Variants in GPLD1 observed in about 807,000 individuals in gnomAD.
The protein encoded by GPLD1 is phosphatidylinositol-glycan-specific phospholipase D.
A neutral mutation model predicts 112.6 loss-of-function variants in GPLD1; 84 were observed. The ratio of observed to expected loss-of-function variants is 0.75; its 90% CI spans 0.63 to 0.89. GPLD1 has a LOEUF of 0.89. Among genes scored for constraint, GPLD1 ranks in the 40% least tolerant of loss-of-function variants. GPLD1 has a pLI of 0.00. For missense variants in GPLD1, 1,044 were observed against 1,051.5 expected, an observed-to-expected ratio of 0.99 and a Z score of 0.10; for synonymous variants, 386 against 403.8, an observed-to-expected ratio of 0.96 and a Z score of 0.53.
rs2127318473 is a variant in GPLD1, at chr6:24,436,671, C to T, written c.2263G>A (p.Asp755Asn). The change falls in exon 22 of 25, where the codon GAC becomes AAC. Residue 755 changes from aspartate (D) to asparagine (N), a missense_variant. Physicochemically the swap from Asp to Asn is conservative, Grantham distance 23. Coordinates refer to ENST00000230036, the MANE Select transcript of GPLD1 (RefSeq NM_001503.4). ...DVTSGLIGGE[D>N]GRVYVYNGKE... ...CCATTATATACATATACTCGGCCGT[C>T]TTCTCCCCCAATCAGTCCAGAGGTT... 2 of 1,614,074 alleles carry T rather than the reference C, an allele frequency of 1.2e-6. No homozygotes were observed. Among genetic ancestry groups the T allele is most frequent in the Non-Finnish European group, 1.7e-6 (2 of 1,179,960 alleles).
intron 10 of GPLD1, among the ~76,000 whole-genome samples, chr6:24,465,234 G>GA (rs1252176495): frequency 4.6e-4 from 62 of 135,004 alleles, no homozygotes; most frequent in African/African-American, 1.6e-3. Flanking sequence ...GAAAAGAAAA[G>GA]AAAAAAAAAG....
At position 24,454,220 on chromosome 6, in the gene GPLD1, C is replaced by T. The variant is rs372009508; in HGVS notation, c.1149-19G>A. 6.3e-7 allele frequency: 1 copy of T among 1,592,470 alleles called. No homozygotes were observed. The highest frequency in any genetic ancestry group is 1.3e-5 in the African/African-American group (1 of 74,502). ...CATTGCCCTTAGGGAAGTGAAGGGA[C>T]CCACCATGGTATGCACTGAGCACTA... On this transcript the variant is annotated intron_variant, in intron 13 of 24. Coordinates refer to ENST00000230036, the MANE Select transcript of GPLD1 (RefSeq NM_001503.4).
intron 24 of GPLD1, 96 bp downstream of exon 24, chr6:24,433,091 A>G (rs1010077519): frequency 3.5e-6 from 3 of 851,804 alleles, no homozygotes; most frequent in Admixed American, 1.7e-5. Flanking sequence ...CTTTTCAAAT[A>G]AAAATAAAAT....
intron 7 of GPLD1, among the ~76,000 whole-genome samples, chr6:24,471,791 C>G (rs1474808751): frequency 6.6e-6 from 1 of 152,168 alleles, no homozygotes; most frequent in African/African-American, 2.4e-5. Flanking sequence ...GCGATCATAG[C>G]TCACTGAAGC....
chr6:24,475,313 A>T (rs546073065), intron 4 of GPLD1, 82 bp from the exon 5 acceptor site: 12 of 794,698 alleles, frequency 1.5e-5, no homozygotes, highest in African/African-American at 1.4e-4. Context: ...ATAAATATAA[A>T]TTCATTTATG....
chr6:24,477,054 A>T (rs1764045544), intron 3 of GPLD1, among the ~76,000 whole-genome samples: 1 of 151,996 alleles, frequency 6.6e-6, no homozygotes. Flanking sequence ...AGGAGTTAGA[A>T]TCAAGACATT....
At chr6:24,457,043 G>T (rs1479233751) in intron 12 of GPLD1, among the ~76,000 whole-genome samples, 1 of 152,094 alleles carries the variant, frequency 6.6e-6, no homozygotes, top group Non-Finnish European at 1.5e-5. Flanking sequence ...GCTAATTTTT[G>T]TATTTTAGTA....
At chr6:24,463,668 C>T (rs1028144396) in intron 10 of GPLD1, among the ~76,000 whole-genome samples, 1 of 152,162 alleles carries the variant, frequency 6.6e-6, no homozygotes, top group African/African-American at 2.4e-5. Context: ...ATGTAACTAC[C>T]ACTACTTCAT....
intron 1 of GPLD1, among the ~76,000 whole-genome samples, chr6:24,487,722 C>T (rs1177483286): frequency 2.6e-5 from 4 of 152,204 alleles, no homozygotes; most frequent in Non-Finnish European, 4.4e-5. Context: ...CAGAATCACA[C>T]ATCTACTTTA....
At position 24,477,504 on chromosome 6, in the gene GPLD1, A is replaced by C. The variant is rs181215026; in HGVS notation, c.233-1226T>G. Among the ~76,000 whole-genome samples the C allele has an allele frequency of 3.2e-3, 493 of 152,168 alleles. 3 individuals carry two copies. Among genetic ancestry groups the C allele is most frequent in the African/African-American group, 0.011 (460 of 41,498 alleles). ...GAGGCTGAAGTGGGAGGACCCCCTG[A>C]GGCCAGGAGGTTGAGACTAGCCTGG... On this transcript the variant is annotated intron_variant, in intron 3 of 24. Transcript: ENST00000230036.
In GPLD1 at chr6:24,445,182, C is replaced by T. The variant is rs143892990; in HGVS notation, c.2020+364G>A. ...AGCTGGGATTACAGGTATGCACCACCACACCTGGCTAATTTTTGTATTTTT... is the reference window on the plus strand; with the variant it reads ...AGCTGGGATTACAGGTATGCACCACTACACCTGGCTAATTTTTGTATTTTT... On this transcript the variant is annotated intron_variant, in intron 20 of 24. Coordinates refer to ENST00000230036, the MANE Select transcript of GPLD1 (RefSeq NM_001503.4). Among the ~76,000 whole-genome samples the T allele has an allele frequency of 6.9e-3, 1,051 of 152,090 alleles. 15 individuals carry two copies. Among genetic ancestry groups the T allele is most frequent in the African/African-American group, 0.023 (949 of 41,490 alleles).
intron 12 of GPLD1, among the ~76,000 whole-genome samples, chr6:24,458,787 G>C (rs971651137): frequency 6.6e-6 from 1 of 151,970 alleles, no homozygotes; most frequent in Admixed American, 6.6e-5. Context: ...GCTGAGGCAG[G>C]GAATTGCTTG....
At chr6:24,466,846 A>G in intron 9 of GPLD1, 27 bp from the exon 10 acceptor site, 7 of 1,603,046 alleles carry the variant, frequency 4.4e-6, no homozygotes, top group Non-Finnish European at 6.0e-6. Flanking sequence ...GAAAAAATAA[A>G]ATGAATATGG....
Position 24,473,213 on chromosome 6 carries a change from G to A in GPLD1, c.490+406C>T, listed in dbSNP as rs1158728862. On this transcript the variant is annotated intron_variant, in intron 6 of 24. Coordinates refer to ENST00000230036, the MANE Select transcript of GPLD1 (RefSeq NM_001503.4). ...TACTTTAAGGAAATATCGACCATAA[G>A]GGTTTAATAAACACCATTCACCACC... The A allele has an allele frequency of 1.9e-5, 3 of 154,740 alleles. No homozygotes were observed. In the East Asian group the frequency reaches 5.6e-4, roughly 29 times the overall value. 9.6% of individuals were successfully genotyped at this position (154,740 alleles called of 1,614,324 possible).
At position 24,426,391 on chromosome 6, in the gene GPLD1, G is replaced by A. The variant is rs1187447315; in HGVS notation, c.*2641C>T. ...TGTATGCCAGGTTTTTTACATACGT[G>A]CCATATCAGTTGACCTTTTACAGTA... On this transcript the variant is annotated 3_prime_UTR_variant, in exon 25 of 25. Transcript: ENST00000230036. Among the ~76,000 whole-genome samples the A allele has an allele frequency of 6.6e-6, 1 of 152,102 alleles. No homozygotes were observed. The highest frequency in any genetic ancestry group is 2.4e-5 in the African/African-American group (1 of 41,402).
Position 24,427,801 on chromosome 6 carries a change from A to G in GPLD1, c.*1231T>C, listed in dbSNP as rs112804232. On this transcript the variant is annotated 3_prime_UTR_variant, in exon 25 of 25. Transcript: ENST00000230036. ...GCGGAGGTTGCAGTGAGCTGAGATC[A>G]CATCACTGCACTCCAGCCTGGGCAA... Among the ~76,000 whole-genome samples the G allele has an allele frequency of 0.13, 18,575 of 146,442 alleles. 1,498 individuals carry two copies. The highest frequency in any genetic ancestry group is 0.16 in the East Asian group (805 of 5,026).
intron 10 of GPLD1, among the ~76,000 whole-genome samples, chr6:24,463,352 G>C (rs1246516603): frequency 6.6e-6 from 1 of 152,202 alleles, no homozygotes; most frequent in Non-Finnish European, 1.5e-5. Context: ...TATAAGAAGA[G>C]TATTCTGGAA....
rs1764146397 is a variant in GPLD1 at position 24,479,938 on chromosome 6, C to A, written c.175G>T (p.Ala59Ser). The change falls in exon 3 of 25, where the codon GCG (alanine) becomes TCG (serine). Residue 59 changes from alanine (A) to serine (S), a missense_variant. Ala to Ser is a moderately conservative substitution (Grantham distance 99). Transcript: ENST00000230036. ...YRELLLEHQD[A>S]YQAGIVFPDC... ...GGAAACACGATTCCAGCCTGATACG[C>A]ATCCTGGTGTTCTAGTAACAGCTGC... is the stretch of plus-strand genomic sequence containing the variant. The A allele has an allele frequency of 6.2e-7, 1 of 1,608,936 alleles. No homozygotes were observed. Among genetic ancestry groups the A allele is most frequent in the South Asian group, 1.1e-5 (1 of 90,986 alleles).
At chr6:24,484,077 G>C (rs7760684) in intron 2 of GPLD1, among the ~76,000 whole-genome samples, 26,952 of 151,446 alleles carry the variant, frequency 0.18, 2,776 homozygotes, top group African/African-American at 0.28. Context: ...CACGATGCCC[G>C]GCTAATTTTT....
Sources: gnomAD v4.1 joint callset for allele counts (sites outside exome capture counted in the v4.1 genomes callset) on GRCh38, gnomAD v4.1.1 for gene constraint, MANE v1.5 for transcripts, NCBI Gene and HGNC (gene_info 2026-07-23, HGNC 2026-07-21) for gene names.